Variants in OSBPL10 observed in about 807,000 individuals in gnomAD.
The protein encoded by OSBPL10 is oxysterol binding protein like 10, also known as oxysterol-binding protein-related protein 10.
OSBPL10 carries 49 observed loss-of-function variants against 81.7 expected under a neutral mutation model. The ratio of observed to expected loss-of-function variants is 0.60; its 90% CI spans 0.48 to 0.76. OSBPL10 has a LOEUF of 0.76. OSBPL10 is among the 30% of genes least tolerant of loss of function. OSBPL10 has a pLI of 0.00. For missense variants in OSBPL10, 923 were observed against 987.8 expected, an observed-to-expected ratio of 0.93 and a Z score of 0.88; for synonymous variants, 419 against 383.6, an observed-to-expected ratio of 1.09 and a Z score of -1.08.
intron 3 of OSBPL10, among the ~76,000 whole-genome samples, chr3:31,845,130 A>AT (rs34735182): frequency 7.3e-5 from 11 of 151,424 alleles, no homozygotes; most frequent in South Asian, 2.1e-4. Flanking sequence ...TTTCATATCA[A>AT]TTTTTTTTTA....
chr3:31,668,609 A>C (rs1275585772), intron 10 of OSBPL10, 33 bp downstream of exon 10: 8 of 1,567,468 alleles, frequency 5.1e-6, no homozygotes, highest in South Asian at 1.2e-5. Context: ...CAGCATGACT[A>C]AGCTGGAGAG....
At chr3:31,850,732 C>T (rs1700744324) in intron 3 of OSBPL10, among the ~76,000 whole-genome samples, 1 of 152,192 alleles carries the variant, frequency 6.6e-6, no homozygotes, top group African/African-American at 2.4e-5. Flanking sequence ...ATATTAATAG[C>T]TACTGAACCT....
chr3:31,863,242 T>C (rs868537979), intron 3 of OSBPL10, among the ~76,000 whole-genome samples: 1 of 152,144 alleles, frequency 6.6e-6, no homozygotes, highest in East Asian at 1.9e-4. Context: ...TGGTTAGTGG[T>C]TGCCAGGGGC....
Position 31,958,749 on chromosome 3 carries a change from G to A in OSBPL10, c.281+22150C>T, listed in dbSNP as rs573282036. 2.6e-5 allele frequency among the ~76,000 whole-genome samples: 4 copies of A among 152,244 alleles called. No homozygotes were observed. In the East Asian group the frequency reaches 7.7e-4, roughly 29 times the overall value. ...GTGTTCCAAAAGCCTCTAAACTAGA[G>A]AACAGGCCTTTGAGCCAAATCCAGC... On this transcript the variant is annotated intron_variant, in intron 1 of 11. Transcript: ENST00000396556.
intron 4 of OSBPL10, among the ~76,000 whole-genome samples, chr3:31,820,459 G>A (rs542989901): frequency 5.9e-5 from 9 of 151,910 alleles, no homozygotes; most frequent in African/African-American, 2.2e-4. Flanking sequence ...GCCGGGTGCC[G>A]TGACGCATGC....
In OSBPL10 at chr3:32,048,310, A is replaced by ATT. The variant is rs71068027; in HGVS notation, n.186-1709_186-1708dup. On this transcript the variant is annotated intron_variant and non_coding_transcript_variant, in intron 1 of 3. Transcript: ENST00000479173. ...GTCATCTCTCCTAGACACTACTACT[A>ATT]TTTTTTTTTTTTTTTTTTGAGACAG... Among the ~76,000 whole-genome samples the ATT allele has an allele frequency of 7.9e-4, 107 of 134,600 alleles. 1 individual carries two copies. The highest frequency in any genetic ancestry group is 1.4e-3 in the African/African-American group (50 of 35,990). 88.3% of individuals were successfully genotyped at this position (134,600 alleles called of 152,430 possible). A position where few individuals can be genotyped will look rare whatever the true frequency, so the allele number is the denominator to read the frequency against.
At chr3:31,939,107 C>T (rs1377298152) in intron 1 of OSBPL10, among the ~76,000 whole-genome samples, 8 of 151,656 alleles carry the variant, frequency 5.3e-5, no homozygotes, top group African/African-American at 1.2e-4. Context: ...TCACACTTCC[C>T]TCTCTTTTCA....
chr3:31,781,233 T>C (rs908391213), intron 4 of OSBPL10, among the ~76,000 whole-genome samples: 10 of 152,186 alleles, frequency 6.6e-5, no homozygotes, highest in African/African-American at 2.4e-5. Flanking sequence ...TCTCAATAGC[T>C]GTGGAAAAAG....
chr3:31,995,318 C>T (rs576690966), intron 2 of OSBPL10, among the ~76,000 whole-genome samples: 2 of 152,240 alleles, frequency 1.3e-5, no homozygotes, highest in African/African-American at 4.8e-5. Context: ...ATCCCCAGAG[C>T]GGCCGTTTAT....
At chr3:31,755,331 A>C (rs765628754) in intron 4 of OSBPL10, among the ~76,000 whole-genome samples, 6 of 152,188 alleles carry the variant, frequency 3.9e-5, no homozygotes, top group Non-Finnish European at 7.3e-5. Context: ...GTGTAAGTGT[A>C]GACACCCTAT....
chr3:32,075,549 T>G (rs896109073), intron 1 of OSBPL10, among the ~76,000 whole-genome samples: 2 of 152,206 alleles, frequency 1.3e-5, no homozygotes, highest in Non-Finnish European at 1.5e-5. Context: ...TAATTCTATA[T>G]GACAAATCCT....
intron 1 of OSBPL10, among the ~76,000 whole-genome samples, chr3:31,930,011 A>C (rs1186200829): frequency 2.0e-5 from 3 of 146,690 alleles, no homozygotes; most frequent in African/African-American, 4.9e-5. Context: ...ACCAAAAAAA[A>C]AAAAAAAAAA....
chr3:31,721,922 C>T (rs913007825), intron 6 of OSBPL10, among the ~76,000 whole-genome samples: 2 of 152,174 alleles, frequency 1.3e-5, no homozygotes, highest in Admixed American at 1.3e-4. Context: ...CACATGTTTA[C>T]ATTCTTACAT....
intron 1 of OSBPL10, among the ~76,000 whole-genome samples, chr3:31,971,145 T>TC (rs1461424849): frequency 3.4e-5 from 5 of 146,036 alleles, no homozygotes; most frequent in African/African-American, 5.0e-5. Flanking sequence ...TTTTCTTTTT[T>TC]TTTTTTTTTT....
At chr3:31,972,805 G>T (rs1307860361) in intron 1 of OSBPL10, among the ~76,000 whole-genome samples, 4 of 151,980 alleles carry the variant, frequency 2.6e-5, no homozygotes, top group African/African-American at 9.7e-5. Context: ...TTATAGAAAG[G>T]GACTAAACCA....
chr3:32,049,260 T>C (rs1699650583), intron 1 of OSBPL10, among the ~76,000 whole-genome samples: 1 of 152,132 alleles, frequency 6.6e-6, no homozygotes, highest in Non-Finnish European at 1.5e-5. Context: ...TTCTTTCTTG[T>C]GCGAGGTCCA....
At chr3:31,976,709 G>A (rs370057885) in intron 1 of OSBPL10, among the ~76,000 whole-genome samples, 6 of 151,978 alleles carry the variant, frequency 3.9e-5, no homozygotes, top group East Asian at 1.9e-4. Context: ...CTCCCACCTC[G>A]GCCTCCCAAA....
At position 31,748,088 on chromosome 3, in the gene OSBPL10, GT is replaced by G; in HGVS notation, c.761del (p.Asn254ThrfsTer25). 4.3e-6 allele frequency: 7 copies of G among 1,614,036 alleles called. No homozygotes were observed. The highest frequency in any genetic ancestry group is 5.9e-6 in the Non-Finnish European group (7 of 1,179,978). ...GCAGGGACTCAATGGCGTGCACAAG[GT>G]TCTTCTGCTGCCCTTCCACCTGGTT... The part of the protein sequence containing the change: ...MMNQVEGQQK[N>X]LVHAIESLPG... On this transcript the variant is annotated frameshift_variant, in exon 5 of 12. Transcript: ENST00000396556. LOFTEE classifies it high-confidence loss of function.
chr3:31,809,025 G>A (rs1444758070), intron 4 of OSBPL10, among the ~76,000 whole-genome samples: 2 of 152,052 alleles, frequency 1.3e-5, no homozygotes, highest in Non-Finnish European at 2.9e-5. Context: ...GGTAAACAAA[G>A]CATTTTCAGC....
Sources: gnomAD v4.1 joint callset for allele counts (sites outside exome capture counted in the v4.1 genomes callset) on GRCh38, gnomAD v4.1.1 for gene constraint, MANE v1.5 for transcripts, NCBI Gene and HGNC (gene_info 2026-07-23, HGNC 2026-07-21) for gene names.